Variants in SKI observed in about 807,000 individuals in gnomAD.
SKI encodes ski oncogene.
In SKI, 23 loss-of-function variants were observed where a neutral mutation model predicts 59.3. The ratio of observed to expected loss-of-function variants is 0.39; its 90% CI spans 0.28 to 0.55. SKI has a LOEUF of 0.55. SKI is among the 20% of genes least tolerant of loss of function. The pLI, the probability that SKI is intolerant of heterozygous loss-of-function variation, is 0.67. For missense variants in SKI, 1,017 were observed against 1,038.9 expected (o/e 0.98, Z 0.29); for synonymous variants, 673 against 488.6 (o/e 1.38, Z -4.98).
rs1321905126 is a variant in SKI, at chr1:2,267,779, TC to T, written c.970-35196del. ...CATGGGCCTTTCTACTTCCAGACTG[TC>T]CCAGGACACGGGTCCACGGTCACAC... On this transcript the variant is annotated intron_variant, in intron 1 of 6. Transcript: ENST00000378536. The surrounding 1 kb of genome is among the most constrained non-coding windows in gnomAD (Gnocchi z 4.1). 3.9e-5 allele frequency among the ~76,000 whole-genome samples: 6 copies of T among 152,126 alleles called. No individual in the cohort carries two copies. Among genetic ancestry groups the T allele is most frequent in the African/African-American group, 9.7e-5 (4 of 41,424 alleles).
chr1:2,274,110 G>A lies in SKI; in HGVS notation c.970-28868G>A, dbSNP rs547313819. On this transcript the variant is annotated intron_variant, in intron 1 of 6. Transcript: ENST00000378536. ...GTGAGCGCTCACACAGGCACCTCCA[G>A]GTAAGGGGGATTGAGGAAGGTAGCG... Among the ~76,000 whole-genome samples the A allele has an allele frequency of 1.7e-4, 26 of 151,656 alleles. No homozygotes were observed. In the South Asian group the frequency reaches 3.2e-3, roughly 19 times the overall value.
intron 1 of SKI, among the ~76,000 whole-genome samples, chr1:2,295,136 C>T (rs1264524222): frequency 6.6e-6 from 1 of 152,242 alleles, no homozygotes; most frequent in Non-Finnish European, 1.5e-5. Flanking sequence ...TGACCCTGAA[C>T]AGCTGCTAAA....
At chr1:2,298,491 C>T (rs1429600127) in intron 1 of SKI, among the ~76,000 whole-genome samples, 2 of 152,256 alleles carry the variant, frequency 1.3e-5, no homozygotes, top group Admixed American at 6.5e-5. Context: ...GTCCCCGGGC[C>T]GGATGGCTTT....
At chr1:2,271,202 C>G (rs375126300) in intron 1 of SKI, among the ~76,000 whole-genome samples, 1 of 152,174 alleles carries the variant, frequency 6.6e-6, no homozygotes, top group African/African-American at 2.4e-5. Flanking sequence ...GGCCTGGACA[C>G]TCCCACCTCC....
chr1:2,303,730 G>C lies in SKI; in HGVS notation c.1212-110G>C. 7.1e-7 allele frequency: 1 copy of C among 1,407,296 alleles called. No homozygotes were observed. 87.2% of individuals were successfully genotyped at this position (1,407,296 alleles called of 1,614,324 possible). A position where few individuals can be genotyped will look rare whatever the true frequency, so the allele number is the denominator to read the frequency against. On this transcript the variant is annotated intron_variant, in intron 3 of 6. Transcript: ENST00000378536. The surrounding 1 kb of genome is among the most constrained non-coding windows in gnomAD (Gnocchi z 5.6). ...TGTAAGCTTGACTTGAAGATTCGGA[G>C]CTGGGAAAGTCTTTCCTGTTTAACA...
At chr1:2,230,744 A>G (rs1638617176) in intron 1 of SKI, among the ~76,000 whole-genome samples, 1 of 152,172 alleles carries the variant, frequency 6.6e-6, no homozygotes, top group Admixed American at 6.5e-5. Flanking sequence ...AGGCTTATTA[A>G]ATTGCACACA....
At chr1:2,255,679 C>T (rs1004736052) in intron 1 of SKI, among the ~76,000 whole-genome samples, 1 of 151,660 alleles carries the variant, frequency 6.6e-6, no homozygotes, top group Non-Finnish European at 1.5e-5. Flanking sequence ...CTGTCTGGAT[C>T]TCTCTATGTC....
chr1:2,267,899 C>A lies in SKI; in HGVS notation c.970-35079C>A, dbSNP rs1056848569. On this transcript the variant is annotated intron_variant, in intron 1 of 6. Transcript: ENST00000378536. This position sits in a 1 kb window ranked among gnomAD's most constrained non-coding sequence, Gnocchi z 4.1. The stretch of plus-strand genomic sequence containing the variant: ...AGGTCACAGCTTGAACCTCAGGCCA[C>A]CTCCAGTGGGAGGCTGGAGGTCCTG... Among the ~76,000 whole-genome samples the A allele has an allele frequency of 1.3e-5, 2 of 152,330 alleles. No homozygotes were observed. The highest frequency in any genetic ancestry group is 1.3e-4 in the Admixed American group (2 of 15,306).
intron 1 of SKI, among the ~76,000 whole-genome samples, chr1:2,258,675 C>T (rs751531107): frequency 1.3e-5 from 2 of 152,062 alleles, no homozygotes; most frequent in African/African-American, 2.4e-5. Context: ...CTGCCTCAGC[C>T]TCCTGAGTAG....
chr1:2,253,666 C>T (rs994092569), intron 1 of SKI, among the ~76,000 whole-genome samples: 1 of 152,232 alleles, frequency 6.6e-6, no homozygotes, highest in Admixed American at 6.5e-5. Flanking sequence ...CCAGTTCTGA[C>T]AGCTAGGAAC....
At chr1:2,283,508 C>T (rs1446367643) in intron 1 of SKI, among the ~76,000 whole-genome samples, 1 of 152,214 alleles carries the variant, frequency 6.6e-6, no homozygotes, top group Non-Finnish European at 1.5e-5. Flanking sequence ...GGGGCCAGGA[C>T]CAAAGCCATC....
At chr1:2,235,639 G>C (rs1638736308) in intron 1 of SKI, among the ~76,000 whole-genome samples, 1 of 152,230 alleles carries the variant, frequency 6.6e-6, no homozygotes, top group Non-Finnish European at 1.5e-5. Flanking sequence ...GCCTTGCTGG[G>C]GTGGCCTCGA....
At chr1:2,298,908 C>T (rs988632964) in intron 1 of SKI, among the ~76,000 whole-genome samples, 8 of 152,240 alleles carry the variant, frequency 5.3e-5, no homozygotes, top group East Asian at 1.9e-4. Flanking sequence ...CCCGCCTCCC[C>T]GGAGTCTTGC....
chr1:2,228,830 G>C lies in SKI; in HGVS notation c.64G>C (p.Glu22Gln). 1 of 1,399,870 alleles carries C rather than the reference G, an allele frequency of 7.1e-7. No homozygotes were observed. The highest frequency in any genetic ancestry group is 9.4e-7 in the Non-Finnish European group (1 of 1,069,510). 86.7% of individuals were successfully genotyped at this position (1,399,870 alleles called of 1,614,324 possible). Residue 22 changes from glutamate to glutamine, a missense_variant, in exon 1 of 7, where the codon GAG (glutamate) becomes CAG (glutamine). By Grantham distance (29) the Glu-to-Gln change is conservative. Coordinates refer to ENST00000378536, the MANE Select transcript of SKI (RefSeq NM_003036.4). Reference protein sequence around the residue: ...QPHPGLQKTLEQFHLSSMSSL... With the variant: ...QPHPGLQKTLQQFHLSSMSSL... The stretch of plus-strand genomic sequence containing the variant: ...GCACCCGGGGCTGCAGAAGACGCTG[G>C]AGCAGTTCCACCTGAGCTCCATGAG...
intron 1 of SKI, among the ~76,000 whole-genome samples, chr1:2,256,814 C>G (rs1193291405): frequency 3.9e-5 from 6 of 152,250 alleles, no homozygotes; most frequent in Non-Finnish European, 5.9e-5. Context: ...ATCTGGCATT[C>G]AAAATGTCTT....
intron 1 of SKI, among the ~76,000 whole-genome samples, chr1:2,241,391 T>C (rs2100808869): frequency 6.6e-6 from 1 of 152,144 alleles, no homozygotes; most frequent in East Asian, 1.9e-4. Context: ...GGGGGAGGGA[T>C]TGTAATTTTT....
At chr1:2,280,649 G>GGTGGCGGA (rs1639858238) in intron 1 of SKI, among the ~76,000 whole-genome samples, 1 of 122,404 alleles carries the variant, frequency 8.2e-6, no homozygotes, top group Non-Finnish European at 1.7e-5. Flanking sequence ...TTCAGAGAGA[G>GGTGGCGGA]GACACCCGAG....
chr1:2,270,151 AGT>A lies in SKI; in HGVS notation c.970-32823_970-32822del, dbSNP rs1639585702. Among the ~76,000 whole-genome samples the A allele has an allele frequency of 6.6e-6, 1 of 152,060 alleles. No homozygotes were observed. The highest frequency in any genetic ancestry group is 1.5e-5 in the Non-Finnish European group (1 of 68,000). Reference sequence around the variant, plus strand: ...ATTGTCCCCTACAGCCAGGCAGTAAAGTGTGGCCAGCACCTTGCTGCAAGAGA... The same window carrying A: ...ATTGTCCCCTACAGCCAGGCAGTAAAGTGGCCAGCACCTTGCTGCAAGAGA... On this transcript the variant is annotated intron_variant, in intron 1 of 6. Transcript: ENST00000378536. The surrounding 1 kb of genome is among the most constrained non-coding windows in gnomAD (Gnocchi z 4.1).
chr1:2,248,313 G>A (rs1335718232), intron 1 of SKI, among the ~76,000 whole-genome samples: 5 of 152,238 alleles, frequency 3.3e-5, no homozygotes, highest in Non-Finnish European at 5.9e-5. Context: ...GGTTTCCAAA[G>A]GCCCCATCTT....
Sources: gnomAD v4.1 joint callset for allele counts (sites outside exome capture counted in the v4.1 genomes callset) on GRCh38, gnomAD v4.1.1 for gene constraint, Gnocchi (gnomAD v3.1) non-coding constraint, MANE v1.5 for transcripts, NCBI Gene and HGNC (gene_info 2026-07-23, HGNC 2026-07-21) for gene names.